The following HTR1F variants were observed in gnomAD, a reference collection of about 807,000 sequenced individuals.
HTR1F encodes the protein 5-hydroxytryptamine receptor 1F, also known as 5-hydroxytryptamine (serotonin) receptor 1F, G protein-coupled.
Under a neutral mutation model 24.0 loss-of-function variants are expected in HTR1F, and 17 were observed. That is an observed-to-expected ratio of 0.71 (90% confidence interval 0.48 to 1.06). The LOEUF is 1.06. HTR1F is among the 50% of genes least tolerant of loss of function. The pLI is 0.00. For missense variants in HTR1F, 391 were observed against 427.8 expected, an observed-to-expected ratio of 0.91 and a Z score of 0.76; for synonymous variants, 186 against 156.8, an observed-to-expected ratio of 1.19 and a Z score of -1.39.
At chr3:87,973,097 G>A (rs1705321067) in intron 2 of HTR1F, among the ~76,000 whole-genome samples, 2 of 152,094 alleles carry the variant, frequency 1.3e-5, no homozygotes, top group Admixed American at 6.5e-5. Context: ...CTTGAACCCG[G>A]GAGGCGGAGG....
chr3:87,949,716 T>C (rs1402369689), intron 2 of HTR1F, among the ~76,000 whole-genome samples: 1 of 152,208 alleles, frequency 6.6e-6, no homozygotes, highest in Non-Finnish European at 1.5e-5. Flanking sequence ...GTAACCACTC[T>C]AATTACCATC....
At chr3:87,872,254 A>C (rs1705574815) in intron 2 of HTR1F, among the ~76,000 whole-genome samples, 3 of 152,142 alleles carry the variant, frequency 2.0e-5, no homozygotes, top group South Asian at 2.1e-4. Flanking sequence ...TGAAGCAAAA[A>C]CAATACTAAA....
chr3:87,884,579 A>G (rs916241947), intron 2 of HTR1F, among the ~76,000 whole-genome samples: 1 of 152,228 alleles, frequency 6.6e-6, no homozygotes, highest in Non-Finnish European at 1.5e-5. Flanking sequence ...GTCAAGACTC[A>G]TCACTGTGCT....
chr3:87,920,624 A>G (rs1703993880), intron 2 of HTR1F, among the ~76,000 whole-genome samples: 1 of 152,070 alleles, frequency 6.6e-6, no homozygotes, highest in African/African-American at 2.4e-5. Context: ...GATTTTAAAA[A>G]AAGAAAACCA....
At chr3:87,906,108 C>T (rs1040115395) in intron 2 of HTR1F, among the ~76,000 whole-genome samples, 9 of 152,120 alleles carry the variant, frequency 5.9e-5, no homozygotes, top group Admixed American at 3.3e-4. Flanking sequence ...TACAATAAAA[C>T]GCTAAATTGT....
At chr3:87,913,355 T>C (rs1703822398) in intron 2 of HTR1F, among the ~76,000 whole-genome samples, 1 of 152,082 alleles carries the variant, frequency 6.6e-6, no homozygotes, top group Admixed American at 6.6e-5. Context: ...TCACTGGTCA[T>C]TACAGAAATG....
At chr3:87,869,992 T>C (rs1191430026) in intron 2 of HTR1F, among the ~76,000 whole-genome samples, 1 of 152,120 alleles carries the variant, frequency 6.6e-6, no homozygotes, top group African/African-American at 2.4e-5. Context: ...TAGTAAACTA[T>C]AGTAAAAATT....
At chr3:87,921,733 C>A (rs1411726275) in intron 2 of HTR1F, among the ~76,000 whole-genome samples, 1 of 151,740 alleles carries the variant, frequency 6.6e-6, no homozygotes, top group Non-Finnish European at 1.5e-5. Flanking sequence ...TCCTCGCTAC[C>A]CTTCCCAGGC....
intron 1 of HTR1F, among the ~76,000 whole-genome samples, chr3:87,815,200 G>C (rs1704228020): frequency 6.6e-6 from 1 of 151,944 alleles, no homozygotes; most frequent in Non-Finnish European, 1.5e-5. Context: ...TAATAAACAG[G>C]GGTAATTTAA....
intron 2 of HTR1F, among the ~76,000 whole-genome samples, chr3:87,962,666 A>G (rs1158754227): frequency 6.6e-6 from 1 of 152,016 alleles, no homozygotes; most frequent in East Asian, 1.9e-4. Flanking sequence ...AATTATACAA[A>G]TGGTATTGAT....
intron 2 of HTR1F, among the ~76,000 whole-genome samples, chr3:87,917,311 A>T (rs1703914735): frequency 6.6e-6 from 1 of 151,814 alleles, no homozygotes; most frequent in Non-Finnish European, 1.5e-5. Flanking sequence ...TAGAGAAACA[A>T]GAACAAACCA....
intron 2 of HTR1F, among the ~76,000 whole-genome samples, chr3:87,869,416 G>GATACATACATACATACATAC (rs1488799253): frequency 8.7e-6 from 1 of 114,488 alleles, no homozygotes; most frequent in African/African-American, 4.4e-5. Context: ...TAGATAGATA[G>GATACATACATACATACATAC]ATAGATAGAT....
chr3:87,939,245 C>A (rs1449271126), intron 2 of HTR1F, among the ~76,000 whole-genome samples: 1 of 152,112 alleles, frequency 6.6e-6, no homozygotes, highest in Non-Finnish European at 1.5e-5. Flanking sequence ...GGTGGATAAG[C>A]TTTTTGATGT....
At chr3:87,908,064 G>T (rs547268604) in intron 2 of HTR1F, among the ~76,000 whole-genome samples, 2 of 151,628 alleles carry the variant, frequency 1.3e-5, no homozygotes, top group African/African-American at 2.4e-5. Context: ...ATACTTTTTC[G>T]AATCTTTCCA....
chr3:87,818,406 T>C (rs1364209585), intron 1 of HTR1F, among the ~76,000 whole-genome samples: 1 of 152,162 alleles, frequency 6.6e-6, no homozygotes, highest in East Asian at 1.9e-4. Flanking sequence ...CATACCTCTA[T>C]TTAAGCCATC....
At chr3:87,989,945 AAAG>A (rs1705781941) in intron 2 of HTR1F, among the ~76,000 whole-genome samples, 2 of 152,346 alleles carry the variant, frequency 1.3e-5, no homozygotes, top group South Asian at 4.1e-4. Flanking sequence ...ATCTAAAGAC[AAAG>A]AAGATTAACT....
intron 2 of HTR1F, among the ~76,000 whole-genome samples, chr3:87,869,252 G>T (rs911032013): frequency 6.6e-6 from 1 of 151,818 alleles, no homozygotes; most frequent in African/African-American, 2.4e-5. Context: ...AATTCAAATA[G>T]GTCCTTGTAA....
intron 2 of HTR1F, among the ~76,000 whole-genome samples, chr3:87,967,539 A>C (rs1705192824): frequency 6.6e-6 from 1 of 151,638 alleles, no homozygotes; most frequent in Non-Finnish European, 1.5e-5. Context: ...GAGCTCCCAT[A>C]ATTCCCACGT....
chr3:87,915,366 C>T (rs1361908822), intron 2 of HTR1F, among the ~76,000 whole-genome samples: 2 of 152,040 alleles, frequency 1.3e-5, no homozygotes, highest in African/African-American at 4.8e-5. Context: ...CCCTGAATTA[C>T]CTGAAAAAGA....
Sources: allele counts gnomAD v4.1 joint callset (sites outside exome capture counted in the v4.1 genomes callset), GRCh38; gene constraint gnomAD v4.1.1; transcripts MANE v1.5; gene names NCBI Gene and HGNC (gene_info 2026-07-23, HGNC 2026-07-21).